Variants in TLK1 observed in about 807,000 individuals in gnomAD.
TLK1 encodes serine/threonine-protein kinase tousled-like 1.
In TLK1, 24 loss-of-function variants were observed where a neutral mutation model predicts 105.3. The ratio of observed to expected loss-of-function variants is 0.23; its 90% CI spans 0.17 to 0.32. The LOEUF is 0.32. Among genes scored for constraint, TLK1 ranks in the 10% least tolerant of loss-of-function variants. The pLI is 1.00. For missense variants in TLK1, 558 were observed against 910.5 expected, an observed-to-expected ratio of 0.61 and a Z score of 4.98; for synonymous variants, 321 against 310.4, an observed-to-expected ratio of 1.03 and a Z score of -0.36.
intron 1 of TLK1, among the ~76,000 whole-genome samples, chr2:171,229,122 C>T (rs558766569): frequency 6.6e-6 from 1 of 152,220 alleles, no homozygotes; most frequent in Non-Finnish European, 1.5e-5. Context: ...TTACTCAAGT[C>T]GTCACATGTT....
intron 1 of TLK1, among the ~76,000 whole-genome samples, chr2:171,182,857 G>C (rs1406223571): frequency 6.7e-6 from 1 of 150,352 alleles, no homozygotes; most frequent in African/African-American, 2.5e-5. Flanking sequence ...AGGAGGTCAA[G>C]GATGCAGAGA....
intron 2 of TLK1, among the ~76,000 whole-genome samples, chr2:171,113,524 C>T (rs1297398346): frequency 1.3e-5 from 2 of 152,102 alleles, no homozygotes; most frequent in East Asian, 3.8e-4. Context: ...CCACCAGCCT[C>T]GGCCTCCCAA....
chr2:171,004,659 A>G (rs1684561966), intron 18 of TLK1, among the ~76,000 whole-genome samples: 2 of 152,226 alleles, frequency 1.3e-5, no homozygotes, highest in Non-Finnish European at 2.9e-5. Context: ...TGTCCTGCAG[A>G]CGAAGAATAA....
At chr2:171,022,333 T>C (rs575816237) in intron 12 of TLK1, among the ~76,000 whole-genome samples, 2 of 152,188 alleles carry the variant, frequency 1.3e-5, no homozygotes, top group South Asian at 2.1e-4. Flanking sequence ...AGTCATCTTT[T>C]TGGGACAACT....
intron 3 of TLK1, among the ~76,000 whole-genome samples, chr2:171,073,874 C>CA (rs924986458): frequency 2.9e-4 from 22 of 76,668 alleles, no homozygotes; most frequent in Admixed American, 5.7e-4. Flanking sequence ...CTTAACATTC[C>CA]CCCCCCCCCT....
At chr2:171,206,953 G>A (rs1693518869) in intron 1 of TLK1, among the ~76,000 whole-genome samples, 1 of 152,174 alleles carries the variant, frequency 6.6e-6, no homozygotes. Flanking sequence ...TTGCTGGTGG[G>A]AAGGCAAAAT....
At chr2:171,217,906 G>A (rs182859362) in intron 1 of TLK1, among the ~76,000 whole-genome samples, 149 of 152,276 alleles carry the variant, frequency 9.8e-4, no homozygotes, top group African/African-American at 2.8e-3. Flanking sequence ...GAAGAATACC[G>A]TATTAGTTTC....
At position 171,082,781 on chromosome 2, in the gene TLK1, C is replaced by T. The variant is rs1190226573; in HGVS notation, c.330G>A (p.Glu110=). Residue 110 remains glutamate, a splice_region_variant and synonymous_variant, in exon 3 of 21, where the codon GAG becomes GAA. Transcript: ENST00000431350. ...CCATATTTAAAATGAAATTACTTAC[C>T]TCTGATTCTTTGTCACTTAAAGATC... ...SLGSLSDKES[E]TPEKKQSESS... 1.9e-6 allele frequency: 3 copies of T among 1,600,860 alleles called. No individual in the cohort carries two copies. The highest frequency in any genetic ancestry group is 2.6e-6 in the Non-Finnish European group (3 of 1,172,272).
At chr2:171,048,102 C>T (rs1687046021) in intron 10 of TLK1, among the ~76,000 whole-genome samples, 1 of 152,154 alleles carries the variant, frequency 6.6e-6, no homozygotes, top group Non-Finnish European at 1.5e-5. Flanking sequence ...GCGCCCACCA[C>T]CATGCCTGGC....
intron 1 of TLK1, among the ~76,000 whole-genome samples, chr2:171,153,550 AAT>A (rs1257161370): frequency 2.6e-5 from 4 of 152,208 alleles, no homozygotes; most frequent in Non-Finnish European, 4.4e-5. Flanking sequence ...AAATGAACAA[AAT>A]ATAGTCTCTG....
intron 1 of TLK1, among the ~76,000 whole-genome samples, chr2:171,223,081 C>G (rs969920864): frequency 6.6e-6 from 1 of 152,192 alleles, no homozygotes; most frequent in Admixed American, 6.5e-5. Context: ...TCCCAAAGTG[C>G]TGAAATTACA....
chr2:171,069,915 G>A (rs1688175030), intron 3 of TLK1, among the ~76,000 whole-genome samples: 1 of 152,192 alleles, frequency 6.6e-6, no homozygotes, highest in Admixed American at 6.5e-5. Context: ...AGCAGTCCCT[G>A]AGACCCAAAA....
chr2:170,994,892 A>G (rs538815235), intron 20 of TLK1, among the ~76,000 whole-genome samples: 4 of 152,328 alleles, frequency 2.6e-5, no homozygotes, highest in Non-Finnish European at 5.9e-5. Flanking sequence ...TCAGGAGGTA[A>G]CTGGTAATTG....
intron 10 of TLK1, among the ~76,000 whole-genome samples, chr2:171,047,367 C>T (rs1489081257): frequency 6.6e-6 from 1 of 152,172 alleles, no homozygotes; most frequent in African/African-American, 2.4e-5. Context: ...TACATGGTTA[C>T]AATACTTAGA....
chr2:171,102,576 T>A (rs896100081), intron 2 of TLK1, among the ~76,000 whole-genome samples: 16 of 152,200 alleles, frequency 1.1e-4, no homozygotes, highest in African/African-American at 3.6e-4. Context: ...AGTCAAAATC[T>A]AAAAGAATTA....
intron 1 of TLK1, among the ~76,000 whole-genome samples, chr2:171,169,983 C>T (rs1692696714): frequency 6.6e-6 from 1 of 152,058 alleles, no homozygotes. Context: ...GCAAACAAAA[C>T]TAAGTCTGCA....
At chr2:171,184,487 A>G (rs1692986870) in intron 1 of TLK1, among the ~76,000 whole-genome samples, 1 of 151,960 alleles carries the variant, frequency 6.6e-6, no homozygotes, top group South Asian at 2.1e-4. Context: ...CACTAAAAAT[A>G]CAAAATTAGC....
Position 171,200,470 on chromosome 2 carries a change from C to A in TLK1, c.-6+30675G>T, listed in dbSNP as rs142529036. ...GCGCAGCCCACATTTTACAGTCTTG[C>A]CGCAATGTATTGGGATCCATTAAGG... On this transcript the variant is annotated intron_variant, in intron 1 of 20. Coordinates refer to the TLK1 transcript ENST00000521943. Among the ~76,000 whole-genome samples, 868 of 152,248 alleles carry A rather than the reference C, an allele frequency of 5.7e-3. 9 individuals carry two copies. The highest frequency in any genetic ancestry group is 0.02 in the African/African-American group (834 of 41,550).
At chr2:171,087,116 G>A (rs926384750) in intron 2 of TLK1, among the ~76,000 whole-genome samples, 7 of 152,184 alleles carry the variant, frequency 4.6e-5, no homozygotes, top group African/African-American at 1.7e-4. Context: ...CATTCACAGC[G>A]TGGAGGATAC....
Sources: gnomAD v4.1 joint callset for allele counts (sites outside exome capture counted in the v4.1 genomes callset) on GRCh38, gnomAD v4.1.1 for gene constraint, MANE v1.5 for transcripts, NCBI Gene and HGNC (gene_info 2026-07-23, HGNC 2026-07-21) for gene names.